Variants in THBS4 observed in about 807,000 individuals in gnomAD.
THBS4 encodes thrombospondin 4.
A neutral mutation model predicts 115.7 loss-of-function variants in THBS4; 90 were observed. The observed-to-expected ratio is 0.78, with a 90% confidence interval of 0.66 to 0.93. THBS4 has a LOEUF of 0.93. Ranked by LOEUF, THBS4 falls within the 40% of genes least tolerant of loss-of-function variation. The probability of loss-of-function intolerance (pLI) is 0.00; values close to 1 mark genes in which losing one functional copy is unlikely to be tolerated. For synonymous variants in THBS4, 460 were observed against 479.3 expected, an observed-to-expected ratio of 0.96 and a Z score of 0.53; for missense variants, 1,087 against 1,232.7, an observed-to-expected ratio of 0.88 and a Z score of 1.77.
chr5:80,083,247 T>C lies in THBS4; in HGVS notation c.*106T>C. 2.0e-6 allele frequency: 2 copies of C among 983,968 alleles called. No homozygotes were observed. The highest frequency in any genetic ancestry group is 3.2e-6 in the Non-Finnish European group (2 of 618,920). 61.0% of individuals were successfully genotyped at this position (983,968 alleles called of 1,614,324 possible). ...AACCCAAATATATCAAAACGTTTTA[T>C]GTGAATGTGGCAATAAAGGAGAAGA... is the stretch of plus-strand genomic sequence containing the variant. On this transcript the variant is annotated 3_prime_UTR_variant, in exon 22 of 22. Coordinates refer to ENST00000350881, the MANE Select transcript of THBS4 (RefSeq NM_003248.6).
Position 80,061,769 on chromosome 5 carries a change from A to G in THBS4, c.1062A>G (p.Pro354=). The G allele has an allele frequency of 5.6e-6, 9 of 1,614,094 alleles. No individual in the cohort carries two copies. Among genetic ancestry groups the G allele is most frequent in the Non-Finnish European group, 7.6e-6 (9 of 1,180,012 alleles). ...CTGGCTTCAGATGTGACGCCTGCCCAGTGGGCTTCACAGGGCCCATGGTGC... is the reference window on the plus strand; with the variant it reads ...CTGGCTTCAGATGTGACGCCTGCCCGGTGGGCTTCACAGGGCCCATGGTGC... ...LSPGFRCDAC[P]VGFTGPMVQG... Residue 354 remains proline (P), a synonymous_variant, in exon 8 of 22, where the codon CCA becomes CCG. Coordinates refer to ENST00000350881, the MANE Select transcript of THBS4 (RefSeq NM_003248.6).
At chr5:80,071,287 G>T in intron 13 of THBS4, 107 bp downstream of exon 13, 1 of 1,477,666 alleles carries the variant, frequency 6.8e-7, no homozygotes, top group Non-Finnish European at 8.9e-7. Context: ...TTCCAGCTGT[G>T]GGTGGCTCAT....
At chr5:80,050,531 T>C (rs1457452061) in intron 2 of THBS4, among the ~76,000 whole-genome samples, 1 of 152,202 alleles carries the variant, frequency 6.6e-6, no homozygotes, top group East Asian at 1.9e-4. Flanking sequence ...GCACTGATGT[T>C]AGGCTTTACA....
intron 1 of THBS4, among the ~76,000 whole-genome samples, chr5:80,038,663 TA>T (rs1832794469): frequency 6.6e-6 from 1 of 152,206 alleles, no homozygotes; most frequent in Non-Finnish European, 1.5e-5. Flanking sequence ...GATTTTCACC[TA>T]ATTCTTTCCT....
intron 5 of THBS4, 37 bp downstream of exon 5, chr5:80,058,827 C>G (rs1833523274): frequency 6.3e-7 from 1 of 1,580,628 alleles, no homozygotes; most frequent in Admixed American, 1.7e-5. Flanking sequence ...AAGCCCTCGT[C>G]TTCTTAGAGC....
chr5:80,081,532 CGAA>C (rs1561332210), intron 20 of THBS4, among the ~76,000 whole-genome samples: 1 of 152,132 alleles, frequency 6.6e-6, no homozygotes, highest in South Asian at 2.1e-4. Flanking sequence ...AGAATCACTA[CGAA>C]GGTGACATTC....
rs181808162 is a variant in THBS4, at chr5:80,020,050, G to A, written n.178-20027G>A. Reference sequence around the variant, plus strand: ...TTTGTCTTTGCCATTTGCTGTTCTCGCAGCCACATTGTATTCTGTGTCAAA... The same window carrying A: ...TTTGTCTTTGCCATTTGCTGTTCTCACAGCCACATTGTATTCTGTGTCAAA... On this transcript the variant is annotated intron_variant and non_coding_transcript_variant, in intron 2 of 3. Coordinates refer to the THBS4 transcript ENST00000510218. 9.9e-4 allele frequency: 151 copies of A among 153,180 alleles called. 1 individual carries two copies. Among genetic ancestry groups the A allele is most frequent in the Non-Finnish European group, 1.9e-3 (129 of 68,028 alleles). The allele number at this position is 153,180 out of a possible 1,614,324, so 9.5% of individuals were successfully genotyped here. A position where few individuals can be genotyped will look rare whatever the true frequency, so the allele number is the denominator to read the frequency against.
At chr5:80,036,956 A>G (rs557204521) in intron 1 of THBS4, among the ~76,000 whole-genome samples, 4 of 152,338 alleles carry the variant, frequency 2.6e-5, no homozygotes, top group African/African-American at 4.8e-5. Context: ...ATTCCAGACC[A>G]GACAACCAGA....
At chr5:80,074,851 G>C (rs1488033639) in intron 15 of THBS4, among the ~76,000 whole-genome samples, 3 of 152,028 alleles carry the variant, frequency 2.0e-5, no homozygotes, top group African/African-American at 7.3e-5. Context: ...GGCCTCAAGT[G>C]ATCCACCTGC....
At chr5:80,008,550 C>T (rs1832061218) in intron 2 of THBS4, among the ~76,000 whole-genome samples, 1 of 152,116 alleles carries the variant, frequency 6.6e-6, no homozygotes, top group Non-Finnish European at 1.5e-5. Flanking sequence ...ACAAAATTTG[C>T]TTCCAAACAC....
chr5:80,072,567 C>T (rs1347820820), intron 14 of THBS4, 171 bp downstream of exon 14: 2 of 658,572 alleles, frequency 3.0e-6, no homozygotes, highest in Non-Finnish European at 5.5e-6. Context: ...GGGATGAACA[C>T]CACACAAGAT....
rs1439923817 is a variant in THBS4 at position 80,080,061 on chromosome 5, CA to C, written c.2669del (p.Gln890ArgfsTer23). 2.5e-6 allele frequency: 4 copies of C among 1,613,814 alleles called. No individual in the cohort carries two copies. The African/African-American group carries it at 5.3e-5, about 22-fold the overall frequency. On this transcript the variant is annotated frameshift_variant, in exon 20 of 22. Transcript: ENST00000350881. LOFTEE classifies it high-confidence loss of function. ...CCGCTGGTTCCTACAGCACAGGCCC[CA>C]GGTGGGCTACATCAGGTAGGTAGAG... Reference protein sequence around the residue: ...SYRWFLQHRPQVGYIRVRFYE... With the variant: ...SYRWFLQHRPXVGYIRVRFYE...
chr5:80,074,003 A>AT (rs1218242745), intron 15 of THBS4, among the ~76,000 whole-genome samples: 19 of 152,178 alleles, frequency 1.2e-4, no homozygotes, highest in Admixed American at 7.2e-4. Flanking sequence ...TTTTGCCTCA[A>AT]TTTTCTCATC....
intron 8 of THBS4, among the ~76,000 whole-genome samples, chr5:80,063,271 T>A (rs546595687): frequency 6.6e-6 from 1 of 152,184 alleles, no homozygotes; most frequent in South Asian, 2.1e-4. Flanking sequence ...TGATTTGCAT[T>A]TCTCTGATGG....
intron 9 of THBS4, chr5:80,066,243 A>G (rs1287759416): frequency 2.0e-5 from 3 of 152,210 alleles, no homozygotes; most frequent in Non-Finnish European, 4.4e-5. Context: ...TGAGAGATGT[A>G]CCAGAGTTGA....
chr5:80,075,549 C>T (rs1175885668), intron 15 of THBS4, among the ~76,000 whole-genome samples: 4 of 152,106 alleles, frequency 2.6e-5, no homozygotes, highest in Admixed American at 6.6e-5. Flanking sequence ...AAATGATGTG[C>T]GTCAAGAATG....
Position 80,076,925 on chromosome 5 carries a change from G to A in THBS4, c.1963G>A (p.Asp655Asn), listed in dbSNP as rs760925141. 1.2e-5 allele frequency: 19 copies of A among 1,613,594 alleles called. No homozygotes were observed. The highest frequency in any genetic ancestry group is 1.5e-5 in the Non-Finnish European group (18 of 1,179,824). Reference sequence around the variant, plus strand: ...CATTAACAGTGCCCAGCTGGACACCGATAAGGATGGAATTGGTGACGAGTG... The same window carrying A: ...CATTAACAGTGCCCAGCTGGACACCAATAAGGATGGAATTGGTGACGAGTG... ...TVINSAQLDT[D>N]KDGIGDECDD... The change falls in exon 16 of 22, where the codon GAT (aspartate) becomes AAT (asparagine). Residue 655 changes from aspartate (D) to asparagine (N), a missense_variant. Around this residue, in one of 3 missense-constraint regions of THBS4, gnomAD observed 979 missense variants for 1,103.7 expected, o/e 0.89. Coordinates refer to ENST00000350881, the MANE Select transcript of THBS4 (RefSeq NM_003248.6).
intron 1 of THBS4, among the ~76,000 whole-genome samples, chr5:79,995,330 G>A (rs1831770180): frequency 6.6e-6 from 1 of 152,214 alleles, no homozygotes; most frequent in African/African-American, 2.4e-5. Context: ...GGAAAATGCT[G>A]CTGAATATTA....
At chr5:80,064,159 G>A (rs914076728) in intron 8 of THBS4, among the ~76,000 whole-genome samples, 2 of 152,210 alleles carry the variant, frequency 1.3e-5, no homozygotes, top group African/African-American at 4.8e-5. Context: ...TTAATACATG[G>A]TTGACAAAAA....
Sources: allele counts gnomAD v4.1 joint callset (sites outside exome capture counted in the v4.1 genomes callset), GRCh38; gene constraint gnomAD v4.1.1; regional missense constraint gnomAD v4.1.1; transcripts MANE v1.5; gene names NCBI Gene and HGNC (gene_info 2026-07-23, HGNC 2026-07-21).